Variants in ANKH observed in about 807,000 individuals in gnomAD.
The protein encoded by ANKH is mineralization regulator ANKH.
In ANKH, 15 loss-of-function variants were observed where a neutral mutation model predicts 49.0. That is an observed-to-expected ratio of 0.31 (90% CI 0.20 to 0.47). The LOEUF is 0.47. Among genes scored for constraint, ANKH ranks in the 20% least tolerant of loss-of-function variants. ANKH has a pLI of 1.00. For missense variants in ANKH, 429 were observed against 652.0 expected, an observed-to-expected ratio of 0.66 and a Z score of 3.72; for synonymous variants, 273 against 260.0, an observed-to-expected ratio of 1.05 and a Z score of -0.48.
At chr5:14,865,519 A>G (rs957669412) in intron 1 of ANKH, among the ~76,000 whole-genome samples, 4 of 152,094 alleles carry the variant, frequency 2.6e-5, no homozygotes, top group Non-Finnish European at 5.9e-5. Context: ...TTAGCTTGAG[A>G]TTTCCATTTC....
chr5:14,808,229 C>A (rs1053613816), intron 1 of ANKH, among the ~76,000 whole-genome samples: 6 of 151,722 alleles, frequency 4.0e-5, no homozygotes, highest in Non-Finnish European at 8.8e-5. Context: ...ATATTTTCTT[C>A]CAGCATTTTT....
At chr5:14,727,850 A>G (rs1242416083) in intron 8 of ANKH, among the ~76,000 whole-genome samples, 1 of 152,164 alleles carries the variant, frequency 6.6e-6, no homozygotes, top group Admixed American at 6.5e-5. Flanking sequence ...AGGTTGGTAC[A>G]CTGTATGTGT....
chr5:14,791,971 A>G (rs769368521), intron 1 of ANKH, among the ~76,000 whole-genome samples: 1 of 152,266 alleles, frequency 6.6e-6, no homozygotes, highest in Non-Finnish European at 1.5e-5. Flanking sequence ...CAAGGAAGTC[A>G]TGATGAGAAT....
intron 1 of ANKH, among the ~76,000 whole-genome samples, chr5:14,802,002 T>C (rs258227): frequency 0.62 from 94,011 of 152,014 alleles, 29,390 homozygotes; most frequent in East Asian, 0.84. Context: ...TGCTGGCAGC[T>C]GTTTCCTCTG....
At chr5:14,848,541 G>A (rs992523845) in intron 1 of ANKH, among the ~76,000 whole-genome samples, 2 of 152,266 alleles carry the variant, frequency 1.3e-5, no homozygotes, top group Middle Eastern at 3.4e-3. Context: ...ACTGATCACC[G>A]CCATCGCAGA....
At chr5:14,727,970 CTTA>C (rs1737873648) in intron 8 of ANKH, among the ~76,000 whole-genome samples, 2 of 152,328 alleles carry the variant, frequency 1.3e-5, no homozygotes, top group South Asian at 2.1e-4. Context: ...GCCCTGGTGT[CTTA>C]TTATGAGGGC....
At chr5:14,814,367 G>A (rs1358669611) in intron 1 of ANKH, among the ~76,000 whole-genome samples, 1 of 152,238 alleles carries the variant, frequency 6.6e-6, no homozygotes, top group Non-Finnish European at 1.5e-5. Context: ...TTGGGAGGCT[G>A]AGGCAGGAGG....
chr5:14,819,900 T>TACACACACACACACAC (rs57977744), intron 1 of ANKH, among the ~76,000 whole-genome samples: 7 of 145,408 alleles, frequency 4.8e-5, no homozygotes, highest in African/African-American at 1.3e-4. Context: ...AACAAAAATA[T>TACACACACACACACAC]ACACACACAC....
chr5:14,730,109 A>C (rs894910055), intron 8 of ANKH, among the ~76,000 whole-genome samples: 10 of 152,058 alleles, frequency 6.6e-5, no homozygotes, highest in Non-Finnish European at 1.3e-4. Flanking sequence ...TGGGGACCTG[A>C]CCATGCTGGG....
In ANKH at chr5:14,871,635, C is replaced by G. The variant is rs1364137148; in HGVS notation, c.-188G>C. On this transcript the variant is annotated 5_prime_UTR_variant, in exon 1 of 12. It removes the in-frame stop codon of an upstream open reading frame in the 5' UTR. Coordinates refer to ENST00000284268, the MANE Select transcript of ANKH (RefSeq NM_054027.6). ...GGCGCCTTCTCCGAGCGCGGCTGCT[C>G]TAGCAGGGGATCCGCAAGCTCAAGT... 1 of 165,018 alleles carries G rather than the reference C, an allele frequency of 6.1e-6. No homozygotes were observed. The highest frequency in any genetic ancestry group is 1.3e-5 in the Non-Finnish European group (1 of 78,830). The allele number at this position is 165,018 out of a possible 1,614,324, so 10.2% of individuals were successfully genotyped here.
intron 1 of ANKH, chr5:14,798,087 A>G: frequency 6.3e-7 from 1 of 1,576,112 alleles, no homozygotes; most frequent in East Asian, 2.2e-5. Context: ...AAAACCTCCA[A>G]ATTCTCCTTT....
intron 1 of ANKH, chr5:14,825,841 G>A (rs143523113): frequency 2.6e-5 from 4 of 152,302 alleles, no homozygotes; most frequent in African/African-American, 9.6e-5. Flanking sequence ...TCTTTCTACA[G>A]TGCTATACGC....
chr5:14,843,727 C>A (rs1421464431), intron 1 of ANKH, among the ~76,000 whole-genome samples: 1 of 152,148 alleles, frequency 6.6e-6, no homozygotes, highest in African/African-American at 2.4e-5. Flanking sequence ...CAACCTTCCA[C>A]TTACCTCCTC....
intron 5 of ANKH, among the ~76,000 whole-genome samples, chr5:14,749,926 A>T (rs1322932143): frequency 6.6e-6 from 1 of 152,248 alleles, no homozygotes; most frequent in Non-Finnish European, 1.5e-5. Context: ...GGCTTTCATT[A>T]TGCAATTTTG....
intron 6 of ANKH, among the ~76,000 whole-genome samples, 195 bp downstream of exon 6, chr5:14,748,977 C>T (rs1287335715): frequency 6.6e-6 from 1 of 152,228 alleles, no homozygotes; most frequent in African/African-American, 2.4e-5. Flanking sequence ...CAGGTTTTCT[C>T]CCATAATCAT....
In ANKH at chr5:14,845,370, T is replaced by A. The variant is rs949291829; in HGVS notation, c.96+25982A>T. 7.3e-3 allele frequency among the ~76,000 whole-genome samples: 272 copies of A among 37,122 alleles called. 2 individuals carry two copies. Among genetic ancestry groups the A allele is most frequent in the African/African-American group, 0.021 (253 of 12,304 alleles). 24.4% of individuals were successfully genotyped at this position (37,122 alleles called of 152,430 possible). On this transcript the variant is annotated intron_variant, in intron 1 of 11. Coordinates refer to ENST00000284268, the MANE Select transcript of ANKH (RefSeq NM_054027.6). ...TGTGTATATATATATATATATATTT[T>A]TTTTTTTACCTTTCTGGTTTTATTA... is the stretch of plus-strand genomic sequence containing the variant.
intron 1 of ANKH, chr5:14,868,660 T>A (rs1283851395): frequency 1.3e-5 from 2 of 151,812 alleles, no homozygotes; most frequent in Non-Finnish European, 1.5e-5. Flanking sequence ...TCCATCCACC[T>A]CACCTCCCAA....
At chr5:14,714,512 C>T (rs892767581) in intron 9 of ANKH, among the ~76,000 whole-genome samples, 1 of 152,168 alleles carries the variant, frequency 6.6e-6, no homozygotes, top group Non-Finnish European at 1.5e-5. Context: ...GGAGGAAGTG[C>T]TCATTCCTGG....
At chr5:14,749,614 A>G (rs1328684098) in intron 5 of ANKH, among the ~76,000 whole-genome samples, 1 of 152,244 alleles carries the variant, frequency 6.6e-6, no homozygotes, top group Non-Finnish European at 1.5e-5. Flanking sequence ...TAGAACCCAC[A>G]TCTCGAGCCT....
Sources: gnomAD v4.1 joint callset for allele counts (sites outside exome capture counted in the v4.1 genomes callset) on GRCh38, gnomAD v4.1.1 for gene constraint, MANE v1.5 for transcripts, NCBI Gene and HGNC (gene_info 2026-07-23, HGNC 2026-07-21) for gene names.